Variants in KRT81 observed in about 807,000 individuals in gnomAD.
The protein encoded by KRT81 is keratin 81, also known as keratin, type II cuticular Hb1.
A neutral mutation model predicts 35.8 loss-of-function variants in KRT81; 35 were observed. The observed-to-expected ratio is 0.98, with a 90% CI of 0.75 to 1.30. KRT81 has a LOEUF of 1.30. Among genes scored for constraint, KRT81 ranks in the 50% most tolerant of loss-of-function variants. KRT81 has a pLI of 0.00. For missense variants in KRT81, 531 were observed against 577.4 expected (o/e 0.92, Z 0.82); for synonymous variants, 249 against 251.2 (o/e 0.99, Z 0.08).
intron 3 of KRT81, 105 bp from the exon 4 acceptor site, chr12:52,288,561 G>C: frequency 1.5e-6 from 2 of 1,355,136 alleles, no homozygotes; most frequent in Non-Finnish European, 1.1e-6. Context: ...GCAGTCCCTG[G>C]TGTCCCATTC....
At position 52,286,278 on chromosome 12, in the gene KRT81, C is replaced by T. The variant is rs1237242639; in HGVS notation, c.1495G>A (p.Gly499Ser). The change falls in exon 9 of 9, where the codon GGC becomes AGC. Residue 499 changes from glycine (G) to serine (S), a missense_variant. Physicochemically the swap from Gly to Ser is moderately conservative, Grantham distance 56. Around this residue, in one of 5 missense-constraint regions of KRT81, gnomAD observed 150 missense variants for 145.4 expected, o/e 1.03. Transcript: ENST00000327741. ...GCCTAACATTTCCGGCAGCTGCTGC[C>T]GCAAGACCCCACACCCAGGGAGCTG... is the stretch of plus-strand genomic sequence containing the variant. ...GISSLGVGSCGSSCRKC is the reference protein window; with the variant it reads ...GISSLGVGSCSSSCRKC 24 of 1,553,838 alleles carry T rather than the reference C, an allele frequency of 1.5e-5. 1 individual carries two copies. In the East Asian group the frequency reaches 2.2e-4, roughly 14 times the overall value.
At chr12:52,287,767 A>G in intron 5 of KRT81, 46 bp from the exon 6 acceptor site, 1 of 1,614,008 alleles carries the variant, frequency 6.2e-7, no homozygotes, top group Non-Finnish European at 8.5e-7. Flanking sequence ...GGGACCTCCC[A>G]TCCATTCAGG....
rs1364054507 is a variant in KRT81, at chr12:52,291,516, C to A, written c.-51G>T. ...GAGGACAGGATAGGGGACCTGGAGT[C>A]CTGATGGAAACTCCAATGTGCTCCT... On this transcript the variant is annotated 5_prime_UTR_variant, in exon 1 of 9. Coordinates refer to ENST00000327741, the MANE Select transcript of KRT81 (RefSeq NM_002281.4). 3 of 1,605,350 alleles carry A rather than the reference C, an allele frequency of 1.9e-6. No homozygotes were observed. The highest frequency in any genetic ancestry group is 2.2e-5 in the South Asian group (2 of 89,914).
At position 52,291,382 on chromosome 12, in the gene KRT81, G is replaced by A; in HGVS notation, c.84C>T (p.Thr28=). The change falls in exon 1 of 9, where the codon ACC becomes ACT. Residue 28 remains threonine (T), a synonymous_variant. Coordinates refer to ENST00000327741, the MANE Select transcript of KRT81 (RefSeq NM_002281.4). ...AGGAGATGCCACGGTAGGGGGCGGC[G>A]GTGATGCAGCAGCGGCCGGGCCGCG... ...CGPRPGRCCI[T]AAPYRGISCY... 4 of 1,606,382 alleles carry A rather than the reference G, an allele frequency of 2.5e-6. No individual in the cohort carries two copies. The highest frequency in any genetic ancestry group is 1.1e-5 in the South Asian group (1 of 90,366).
chr12:52,288,599 C>T, intron 3 of KRT81, 143 bp from the exon 4 acceptor site: 1 of 1,048,098 alleles, frequency 9.5e-7, no homozygotes, highest in East Asian at 2.4e-5. Context: ...TTCTGCCCTT[C>T]CTGGGATGAG....
chr12:52,286,998 A>G, intron 7 of KRT81, 104 bp downstream of exon 7: 1 of 1,597,272 alleles, frequency 6.3e-7, no homozygotes, highest in Non-Finnish European at 8.6e-7. Context: ...GAATAATAAT[A>G]TTTTTTTCCC....
rs1259335237 is a variant in KRT81 at position 52,286,469 on chromosome 12, A to G, written c.1304T>C (p.Val435Ala). Residue 435 changes from valine to alanine, a missense_variant, in exon 9 of 9, where the codon GTC (valine) becomes GCC (alanine). By Grantham distance (64) the Val-to-Ala change is moderately conservative. Around this residue, in one of 5 missense-constraint regions of KRT81, gnomAD observed 150 missense variants for 145.4 expected, o/e 1.03. Coordinates refer to ENST00000327741, the MANE Select transcript of KRT81 (RefSeq NM_002281.4). ...NVCVSSSRGGVVCGDLCVSGS... is the reference protein window; with the variant it reads ...NVCVSSSRGGAVCGDLCVSGS... Reference sequence around the variant, plus strand: ...TGACACGCAGAGGTCCCCGCACACGACCCCGCCCCGGGAGCTGCTGACACC... The same window carrying G: ...TGACACGCAGAGGTCCCCGCACACGGCCCCGCCCCGGGAGCTGCTGACACC... 1 of 1,551,840 alleles carries G rather than the reference A, an allele frequency of 6.4e-7. No individual in the cohort carries two copies. The highest frequency in any genetic ancestry group is 2.4e-5 in the East Asian group (1 of 41,018).
chr12:52,291,110 G>A lies in KRT81; in HGVS notation c.356C>T (p.Ala119Val), dbSNP rs1297738685. The A allele has an allele frequency of 2.7e-5, 21 of 768,568 alleles. No individual in the cohort carries two copies. The South Asian group carries it at 3.4e-4, about 12-fold the overall frequency. The allele number at this position is 768,568 out of a possible 1,614,324, so 47.6% of individuals were successfully genotyped here. A position where few individuals can be genotyped will look rare whatever the true frequency, so the allele number is the denominator to read the frequency against. Residue 119 changes from alanine (A) to valine (V), a missense_variant, in exon 1 of 9, where the codon GCC (alanine) becomes GTC (valine). Around this residue, in one of 5 missense-constraint regions of KRT81, gnomAD observed 194 missense variants for 198.2 expected, o/e 0.98. Coordinates refer to ENST00000327741, the MANE Select transcript of KRT81 (RefSeq NM_002281.4). ...QIKSLNSRFA[A>V]FIDKVRFLEQ... The stretch of plus-strand genomic sequence containing the variant: ...CAGGACACCCACCTTGTCGATGAAG[G>A]CCGCGAACCTGCTGTTGAGGGACTT...
intron 4 of KRT81, 42 bp from the exon 5 acceptor site, chr12:52,288,190 C>T: frequency 6.2e-7 from 1 of 1,602,222 alleles, no homozygotes; most frequent in Non-Finnish European, 8.5e-7. Context: ...AGAATACAGC[C>T]CCACCCACCA....
chr12:52,287,808 T>C, intron 5 of KRT81, 87 bp from the exon 6 acceptor site: 1 of 1,610,594 alleles, frequency 6.2e-7, no homozygotes, highest in Non-Finnish European at 8.5e-7. Context: ...GGTTGTACAG[T>C]GCTCAGCCTG....
Position 52,286,344 on chromosome 12 carries a change from T to G in KRT81, c.1429A>C (p.Thr477Pro). ...LCAPCGQLNTTCGGGSCGVGS... is the reference protein window; with the variant it reads ...LCAPCGQLNTPCGGGSCGVGS... ...ACGCCGCAGGAACCCCCTCCGCAGG[T>G]GGTGTTCAATTGGCCGCAGGGCGCA... Residue 477 changes from threonine to proline, a missense_variant, in exon 9 of 9, where the codon ACC becomes CCC. Coordinates refer to ENST00000327741, the MANE Select transcript of KRT81 (RefSeq NM_002281.4). 1.3e-6 allele frequency: 2 copies of G among 1,555,028 alleles called. No homozygotes were observed. The highest frequency in any genetic ancestry group is 2.4e-5 in the South Asian group (2 of 84,232).
chr12:52,291,370 G>A lies in KRT81; in HGVS notation c.96C>T (p.Tyr32=). Residue 32 remains tyrosine (Y), a synonymous_variant, in exon 1 of 9, where the codon TAC becomes TAT. Transcript: ENST00000327741. ...GGCCGCGGTAGCAGGAGATGCCACG[G>A]TAGGGGGCGGCGGTGATGCAGCAGC... is the stretch of plus-strand genomic sequence containing the variant. ...PGRCCITAAP[Y]RGISCYRGLT... 6.2e-7 allele frequency: 1 copy of A among 1,602,242 alleles called. No individual in the cohort carries two copies. The highest frequency in any genetic ancestry group is 8.5e-7 in the Non-Finnish European group (1 of 1,175,054).
In KRT81 at chr12:52,291,153, C is replaced by T. The variant is rs1938104017; in HGVS notation, c.313G>A (p.Glu105Lys). 1 of 1,099,078 alleles carries T rather than the reference C, an allele frequency of 9.1e-7. No individual in the cohort carries two copies. The highest frequency in any genetic ancestry group is 1.3e-6 in the Non-Finnish European group (1 of 794,772). The allele number at this position is 1,099,078 out of a possible 1,614,324, so 68.1% of individuals were successfully genotyped here. A position where few individuals can be genotyped will look rare whatever the true frequency, so the allele number is the denominator to read the frequency against. ...AGGGACTTGATCTGCTCCTTCTCCTCCTGCTTCACGCACTGCGCGTTGGGG... is the reference window on the plus strand; with the variant it reads ...AGGGACTTGATCTGCTCCTTCTCCTTCTGCTTCACGCACTGCGCGTTGGGG... ...IDPNAQCVKQEEKEQIKSLNS... is the reference protein window; with the variant it reads ...IDPNAQCVKQKEKEQIKSLNS... Residue 105 changes from glutamate to lysine, a missense_variant, in exon 1 of 9, where the codon GAG becomes AAG. This residue lies in a region of KRT81 where 194 missense variants were observed against 198.2 expected (regional missense o/e 0.98). Transcript: ENST00000327741.
chr12:52,287,889 G>A, intron 5 of KRT81, 95 bp downstream of exon 5: 2 of 1,608,416 alleles, frequency 1.2e-6, no homozygotes, highest in Non-Finnish European at 1.7e-6. Context: ...CTCATCCCTA[G>A]GGACCAGCAT....
chr12:52,291,458 C>G lies in KRT81; in HGVS notation c.8G>C (p.Cys3Ser). ...GGCGCGCCCACCAAATCCTGATCCGCAGGTCATGATCCTCCTGGACGTTTG... is the reference window on the plus strand; with the variant it reads ...GGCGCGCCCACCAAATCCTGATCCGGAGGTCATGATCCTCCTGGACGTTTG... MTCGSGFGGRAFS... is the reference protein window; with the variant it reads MTSGSGFGGRAFS... The change falls in exon 1 of 9, where the codon TGC becomes TCC. Residue 3 changes from cysteine to serine, a missense_variant. By Grantham distance (112) the Cys-to-Ser change is moderately radical. Coordinates refer to ENST00000327741, the MANE Select transcript of KRT81 (RefSeq NM_002281.4). 1 of 1,612,922 alleles carries G rather than the reference C, an allele frequency of 6.2e-7. No individual in the cohort carries two copies. The highest frequency in any genetic ancestry group is 8.5e-7 in the Non-Finnish European group (1 of 1,179,536).
chr12:52,286,939 C>G, intron 7 of KRT81, 117 bp from the exon 8 acceptor site: 1 of 1,512,820 alleles, frequency 6.6e-7, no homozygotes, highest in Non-Finnish European at 9.1e-7. Context: ...TCTGAGGGAA[C>G]AGCTTGCCTC....
intron 5 of KRT81, 86 bp from the exon 6 acceptor site, chr12:52,287,807 G>A (rs1225565475): frequency 1.1e-5 from 17 of 1,611,662 alleles, no homozygotes; most frequent in Non-Finnish European, 1.4e-5. Flanking sequence ...AGGTTGTACA[G>A]TGCTCAGCCT....
intron 8 of KRT81, 65 bp downstream of exon 8, chr12:52,286,726 T>C (rs1237672675): frequency 2.6e-6 from 4 of 1,542,292 alleles, no homozygotes; most frequent in South Asian, 1.1e-5. Context: ...CACTCCTTTT[T>C]CCAAACTCTG....
At chr12:52,287,766 C>T in intron 5 of KRT81, 45 bp from the exon 6 acceptor site, 1 of 1,614,036 alleles carries the variant, frequency 6.2e-7, no homozygotes, top group Non-Finnish European at 8.5e-7. Context: ...TGGGACCTCC[C>T]ATCCATTCAG....
Sources: gnomAD v4.1 joint callset for allele counts on GRCh38, gnomAD v4.1.1 for gene constraint, gnomAD v4.1.1 regional missense constraint, MANE v1.5 for transcripts, NCBI Gene and HGNC (gene_info 2026-07-23, HGNC 2026-07-21) for gene names.